The following ZBTB38 variants were observed in gnomAD, a reference collection of about 807,000 sequenced individuals.
The protein encoded by ZBTB38 is zinc finger and BTB domain containing 38.
A neutral mutation model predicts 76.8 loss-of-function variants in ZBTB38; 20 were observed. That is an observed-to-expected ratio of 0.26 (90% CI 0.18 to 0.38). ZBTB38 has a LOEUF of 0.38. ZBTB38 is among the 10% of genes least tolerant of loss of function. The pLI is 1.00. For synonymous variants in ZBTB38, 504 were observed against 544.2 expected, an observed-to-expected ratio of 0.93 and a Z score of 1.03; for missense variants, 1,082 against 1,482.3, an observed-to-expected ratio of 0.73 and a Z score of 4.43.
intron 1 of ZBTB38, among the ~76,000 whole-genome samples, chr3:141,353,597 A>G (rs1322856350): frequency 6.6e-6 from 1 of 152,106 alleles, no homozygotes; most frequent in Non-Finnish European, 1.5e-5. Context: ...AGAGAGAACA[A>G]TGGCTCCACT....
intron 5 of ZBTB38, among the ~76,000 whole-genome samples, chr3:141,433,927 G>C (rs979056023): frequency 6.6e-6 from 1 of 152,214 alleles, no homozygotes; most frequent in Non-Finnish European, 1.5e-5. Context: ...ATCTTTAAGA[G>C]ATTGCAGAGA....
intron 2 of ZBTB38, among the ~76,000 whole-genome samples, chr3:141,372,194 C>G (rs969611007): frequency 4.6e-5 from 7 of 152,196 alleles, no homozygotes; most frequent in African/African-American, 1.7e-4. Context: ...CTGCCCAGTC[C>G]CCTTACATTA....
chr3:141,443,986 A>C lies in ZBTB38; in HGVS notation c.1598A>C (p.Asn533Thr), dbSNP rs1481203019. 2 of 1,614,044 alleles carry C rather than the reference A, an allele frequency of 1.2e-6. No homozygotes were observed. The highest frequency in any genetic ancestry group is 2.2e-5 in the East Asian group (1 of 44,896). ...TTCATGACCTACTATATACTCAAAA[A>C]TCATCAGAAGTCTTTCCATGCCATC... ...ETFMTYYILK[N>T]HQKSFHAIDH... is the part of the protein sequence containing the mutation. The change falls in exon 6 of 6, where the codon AAT (asparagine) becomes ACT (threonine). Residue 533 changes from asparagine (N) to threonine (T), a missense_variant. Transcript: ENST00000321464. This position sits in a 1 kb window ranked among gnomAD's most constrained non-coding sequence, Gnocchi z 5.6.
Position 141,442,559 on chromosome 3 carries a change from T to C in ZBTB38, c.171T>C (p.Tyr57=), listed in dbSNP as rs2080502681. 6.2e-7 allele frequency: 1 copy of C among 1,614,258 alleles called. No individual in the cohort carries two copies. Among genetic ancestry groups the C allele is most frequent in the African/African-American group, 1.3e-5 (1 of 75,064 alleles). The part of the protein sequence containing the change: ...HSNVLAASSL[Y]FKNIFWSHTI... ...ATGTTCTGGCAGCTTCAAGCCTGTATTTTAAAAATATCTTTTGGAGCCATA... is the reference window on the plus strand; with the variant it reads ...ATGTTCTGGCAGCTTCAAGCCTGTACTTTAAAAATATCTTTTGGAGCCATA... The change falls in exon 6 of 6, where the codon TAT becomes TAC. Residue 57 remains tyrosine, a synonymous_variant. Transcript: ENST00000321464. This position sits in a 1 kb window ranked among gnomAD's most constrained non-coding sequence, Gnocchi z 6.4.
chr3:141,430,213 G>A (rs894436907), intron 5 of ZBTB38, among the ~76,000 whole-genome samples: 1 of 152,052 alleles, frequency 6.6e-6, no homozygotes, highest in Admixed American at 6.5e-5. Flanking sequence ...TTACAGGCAT[G>A]CACTACCACA....
At chr3:141,395,856 C>A (rs944955115) in intron 4 of ZBTB38, among the ~76,000 whole-genome samples, 1 of 152,164 alleles carries the variant, frequency 6.6e-6, no homozygotes. Flanking sequence ...TTGCATTATA[C>A]TGTAGTCTAT....
chr3:141,439,315 T>C (rs1306797739), intron 5 of ZBTB38, among the ~76,000 whole-genome samples: 3 of 152,234 alleles, frequency 2.0e-5, no homozygotes, highest in African/African-American at 7.2e-5. Context: ...ATCAAGGTGC[T>C]ACTTATTAAC....
intron 5 of ZBTB38, chr3:141,427,755 C>G (rs533766827): frequency 6.6e-6 from 1 of 152,380 alleles, no homozygotes; most frequent in African/African-American, 2.4e-5. Flanking sequence ...GCACCCTGAC[C>G]GGCAGGTCCC....
chr3:141,392,625 C>T (rs1949224128), intron 4 of ZBTB38: 1 of 152,232 alleles, frequency 6.6e-6, no homozygotes, highest in Non-Finnish European at 1.5e-5. Context: ...CCCGAGATGT[C>T]TTGGCTCCTA....
intron 2 of ZBTB38, among the ~76,000 whole-genome samples, chr3:141,379,898 AGTTTT>A (rs2149148218): frequency 6.6e-6 from 1 of 152,312 alleles, no homozygotes; most frequent in East Asian, 1.9e-4. Context: ...TATTTAGTTG[AGTTTT>A]GTTTTTAGTT....
At chr3:141,362,709 T>C (rs1943856074) in intron 1 of ZBTB38, among the ~76,000 whole-genome samples, 1 of 151,106 alleles carries the variant, frequency 6.6e-6, no homozygotes, top group South Asian at 2.1e-4. Flanking sequence ...TTTCAGGGAG[T>C]TTGGGAGAAA....
Position 141,348,712 on chromosome 3 carries a change from T to G in ZBTB38, c.-738-19909T>G, listed in dbSNP as rs192125386. On this transcript the variant is annotated intron_variant, in intron 1 of 7. Coordinates refer to the ZBTB38 transcript ENST00000509842. Reference sequence around the variant, plus strand: ...ATTTCAAACATGGAACCTGGCACTGTATCTGTCAAGAGCCAATGAGTATCT... The same window carrying G: ...ATTTCAAACATGGAACCTGGCACTGGATCTGTCAAGAGCCAATGAGTATCT... Among the ~76,000 whole-genome samples the G allele has an allele frequency of 1.3e-3, 200 of 152,360 alleles. 1 individual carries two copies. The highest frequency in any genetic ancestry group is 4.6e-3 in the African/African-American group (191 of 41,584).
chr3:141,444,235 T>C lies in ZBTB38; in HGVS notation c.1847T>C (p.Leu616Pro). The change falls in exon 6 of 6, where the codon CTG becomes CCG. Residue 616 changes from leucine to proline, a missense_variant. Leu to Pro is a moderately conservative substitution (Grantham distance 98, BLOSUM62 -3). Around this residue, in one of 8 missense-constraint regions of ZBTB38, gnomAD observed 471 missense variants for 581.0 expected, o/e 0.81. Coordinates refer to ENST00000321464, the MANE Select transcript of ZBTB38 (RefSeq NM_001376113.1). This position sits in a 1 kb window ranked among gnomAD's most constrained non-coding sequence, Gnocchi z 5.1. The part of the protein sequence containing the change: ...QNPHSSELPT[L>P]NFQDTVNTLT... Reference sequence around the variant, plus strand: ...CCACACAGCTCTGAATTACCAACGCTGAATTTCCAAGATACTGTAAACACC... The same window carrying C: ...CCACACAGCTCTGAATTACCAACGCCGAATTTCCAAGATACTGTAAACACC... The C allele has an allele frequency of 6.2e-7, 1 of 1,614,214 alleles. No individual in the cohort carries two copies. Among genetic ancestry groups the C allele is most frequent in the Non-Finnish European group, 8.5e-7 (1 of 1,180,032 alleles).
intron 5 of ZBTB38, among the ~76,000 whole-genome samples, chr3:141,412,967 T>C (rs1359883427): frequency 1.3e-5 from 2 of 152,220 alleles, no homozygotes; most frequent in Non-Finnish European, 2.9e-5. Context: ...CCTGAGCCTA[T>C]GAAGAGGCGA....
intron 1 of ZBTB38, among the ~76,000 whole-genome samples, chr3:141,342,623 T>C (rs575788388): frequency 2.1e-4 from 32 of 151,802 alleles, no homozygotes; most frequent in Non-Finnish European, 4.0e-4. Context: ...CACACCCAGA[T>C]TGTAGGGGAT....
chr3:141,413,925 C>A lies in ZBTB38; in HGVS notation c.-1+9894C>A, dbSNP rs893230795. 3.9e-5 allele frequency among the ~76,000 whole-genome samples: 6 copies of A among 152,116 alleles called. No homozygotes were observed. Among genetic ancestry groups the A allele is most frequent in the South Asian group, 2.1e-4 (1 of 4,832 alleles). On this transcript the variant is annotated intron_variant, in intron 5 of 5. Coordinates refer to ENST00000321464, the MANE Select transcript of ZBTB38 (RefSeq NM_001376113.1). This position sits in a 1 kb window ranked among gnomAD's most constrained non-coding sequence, Gnocchi z 4.1. ...GGGATCCTTAAGAAATAGTATGTCA[C>A]CCAAATATATTCTGTGGTAAGGCTT...
chr3:141,442,815 G>A lies in ZBTB38; in HGVS notation c.427G>A (p.Val143Met). The change falls in exon 6 of 6, where the codon GTG becomes ATG. Residue 143 changes from valine to methionine, a missense_variant. By Grantham distance (21) the Val-to-Met change is conservative (BLOSUM62 1). Around this residue, in one of 8 missense-constraint regions of ZBTB38, gnomAD observed 34 missense variants for 40.4 expected, o/e 0.84. Coordinates refer to ENST00000321464, the MANE Select transcript of ZBTB38 (RefSeq NM_001376113.1). The surrounding 1 kb of genome is among the most constrained non-coding windows in gnomAD (Gnocchi z 6.4). ...PYVFCITEKG[V>M]VKEEKNEKRH... ...TGTATTCTGTATTACTGAAAAGGGA[G>A]TGGTTAAAGAAGAAAAAAATGAAAA... 1.2e-6 allele frequency: 2 copies of A among 1,614,178 alleles called. No homozygotes were observed. The highest frequency in any genetic ancestry group is 1.7e-6 in the Non-Finnish European group (2 of 1,180,032).
intron 1 of ZBTB38, among the ~76,000 whole-genome samples, chr3:141,336,038 T>C (rs1176381286): frequency 6.6e-6 from 1 of 152,126 alleles, no homozygotes; most frequent in East Asian, 1.9e-4. Flanking sequence ...CTACTGTGAG[T>C]TGAAAGCTGC....
chr3:141,426,291 A>G (rs534242126), intron 5 of ZBTB38: 575 of 815,984 alleles, frequency 7.0e-4, no homozygotes, highest in Non-Finnish European at 9.6e-4. Context: ...ACCCTGGCTC[A>G]GTGTCAGTGA....
Sources: gnomAD v4.1 joint callset for allele counts (sites outside exome capture counted in the v4.1 genomes callset) on GRCh38, gnomAD v4.1.1 for gene constraint, gnomAD v4.1.1 regional missense constraint, Gnocchi (gnomAD v3.1) non-coding constraint, MANE v1.5 for transcripts, NCBI Gene and HGNC (gene_info 2026-07-23, HGNC 2026-07-21) for gene names.